Variants in TRIO observed in about 807,000 individuals in gnomAD.
TRIO encodes trio Rho guanine nucleotide exchange factor.
A neutral mutation model predicts 351.9 loss-of-function variants in TRIO; 58 were observed. That is an observed-to-expected ratio of 0.16 (90% CI 0.13 to 0.21). TRIO has a LOEUF of 0.21. Ranked by LOEUF, TRIO falls within the 10% of genes least tolerant of loss-of-function variation. TRIO has a pLI of 1.00. For synonymous variants in TRIO, 1,758 were observed against 1,595.7 expected, an observed-to-expected ratio of 1.10 and a Z score of -2.42; for missense variants, 3,201 against 4,027.8, an observed-to-expected ratio of 0.79 and a Z score of 5.56.
chr5:14,404,717 C>CA (rs1432611631), intron 31 of TRIO, among the ~76,000 whole-genome samples: 5 of 152,192 alleles, frequency 3.3e-5, no homozygotes, highest in Non-Finnish European at 5.9e-5. Flanking sequence ...TGTCCTATGT[C>CA]ACTCCGGAGA....
At chr5:14,321,810 C>A (rs1739914153) in intron 9 of TRIO, among the ~76,000 whole-genome samples, 1 of 152,270 alleles carries the variant, frequency 6.6e-6, no homozygotes, top group East Asian at 1.9e-4. Flanking sequence ...CTTCCCTGTA[C>A]TGTTCTCGTG....
intron 41 of TRIO, among the ~76,000 whole-genome samples, chr5:14,478,768 A>G (rs1395910431): frequency 5.3e-5 from 8 of 149,632 alleles, no homozygotes; most frequent in Non-Finnish European, 8.9e-5. Flanking sequence ...TGGGTGAAAA[A>G]GCAGGACTCC....
At chr5:14,409,652 G>A (rs1283499369) in intron 33 of TRIO, among the ~76,000 whole-genome samples, 9 of 151,976 alleles carry the variant, frequency 5.9e-5, no homozygotes, top group South Asian at 2.1e-4. Context: ...GGCTAACATG[G>A]TGAAACCCCG....
chr5:14,463,018 C>T (rs1753949888), intron 36 of TRIO, 93 bp downstream of exon 36: 2 of 1,409,736 alleles, frequency 1.4e-6, no homozygotes, highest in Non-Finnish European at 9.3e-7. Flanking sequence ...TTTCAGGAGA[C>T]AGGAGGCCCC....
intron 11 of TRIO, among the ~76,000 whole-genome samples, chr5:14,349,711 T>C (rs866435835): frequency 6.6e-6 from 1 of 152,314 alleles, no homozygotes; most frequent in South Asian, 2.1e-4. Context: ...ATCCGTCTTT[T>C]AAAAAAATGT....
In TRIO at chr5:14,381,446, CT is replaced by C. The variant is rs3214751; in HGVS notation, c.3570+197del. 2.0e-5 allele frequency among the ~76,000 whole-genome samples: 3 copies of C among 152,254 alleles called. No individual in the cohort carries two copies. In the East Asian group the frequency reaches 5.8e-4, roughly 29 times the overall value. On this transcript the variant is annotated intron_variant, in intron 21 of 56. Transcript: ENST00000344204. Reference sequence around the variant, plus strand: ...TCCACCTCCTCCCTTCATCTGTGTCCTTTGTCCCTCTGATGTCTGTGAATAC... The same window carrying C: ...TCCACCTCCTCCCTTCATCTGTGTCCTTGTCCCTCTGATGTCTGTGAATAC...
At chr5:14,441,907 G>GCTTTATCTGC (rs1752084726) in intron 34 of TRIO, among the ~76,000 whole-genome samples, 1 of 152,184 alleles carries the variant, frequency 6.6e-6, no homozygotes, top group Non-Finnish European at 1.5e-5. Flanking sequence ...CCAGATTCTG[G>GCTTTATCTGC]CTTTATCTGC....
intron 6 of TRIO, among the ~76,000 whole-genome samples, chr5:14,296,340 T>C (rs1433764336): frequency 7.2e-5 from 11 of 152,246 alleles, no homozygotes; most frequent in African/African-American, 2.7e-4. Context: ...CCTGCGATAC[T>C]GAGCCTTAAA....
At chr5:14,503,657 C>T (rs1024339884) in intron 54 of TRIO, among the ~76,000 whole-genome samples, 10 of 152,250 alleles carry the variant, frequency 6.6e-5, no homozygotes, top group African/African-American at 2.4e-4. Context: ...CGACCAACGT[C>T]CTCCACATCC....
At chr5:14,498,496 G>T (rs745817969) in intron 52 of TRIO, 23 bp from the exon 53 acceptor site, 25 of 1,609,362 alleles carry the variant, frequency 1.6e-5, no homozygotes, top group African/African-American at 1.5e-4. Flanking sequence ...CTGATGCGCA[G>T]TGTGTTCCCA....
At chr5:14,217,112 C>CACCG (rs1266070936) in intron 1 of TRIO, among the ~76,000 whole-genome samples, 1 of 152,208 alleles carries the variant, frequency 6.6e-6, no homozygotes, top group East Asian at 1.9e-4. Context: ...GTTCTCTGAT[C>CACCG]ACCGGTCTTT....
intron 1 of TRIO, among the ~76,000 whole-genome samples, chr5:14,204,951 C>T (rs956559725): frequency 6.6e-5 from 10 of 152,170 alleles, no homozygotes; most frequent in African/African-American, 2.4e-4. Context: ...AGGGGTGTTT[C>T]TAGCCGTGTA....
At chr5:14,367,049 C>T in intron 16 of TRIO, 70 bp downstream of exon 16, 1 of 1,593,590 alleles carries the variant, frequency 6.3e-7, no homozygotes, top group Middle Eastern at 1.7e-4. Flanking sequence ...AATCCCCCAA[C>T]ATGGCACTGA....
intron 1 of TRIO, among the ~76,000 whole-genome samples, chr5:14,227,023 A>G (rs1293066634): frequency 1.3e-5 from 2 of 152,240 alleles, no homozygotes; most frequent in Non-Finnish European, 2.9e-5. Flanking sequence ...AAAGCTTTTC[A>G]TAAACTCACA....
chr5:14,352,029 G>A (rs1049652690), intron 11 of TRIO, among the ~76,000 whole-genome samples: 2 of 152,188 alleles, frequency 1.3e-5, no homozygotes, highest in African/African-American at 4.8e-5. Context: ...GCAGAGCTGT[G>A]GGGCCCATAG....
In TRIO at chr5:14,488,172, G is replaced by A. The variant is rs1049938411; in HGVS notation, c.7544G>A (p.Arg2515His). 2 of 1,602,514 alleles carry A rather than the reference G, an allele frequency of 1.2e-6. No homozygotes were observed. Among genetic ancestry groups the A allele is most frequent in the African/African-American group, 2.7e-5 (2 of 74,968 alleles). Reference protein sequence around the residue: ...DSDSLQRQTPRHAAPGKDTDR... With the variant: ...DSDSLQRQTPHHAAPGKDTDR... ...GACTCCCTCCAGCGGCAGACACCCC[G>A]CCACGCGGCCCCTGGCAAGGATACT... Residue 2515 changes from arginine to histidine, a missense_variant, in exon 48 of 57, where the codon CGC becomes CAC. By Grantham distance (29) the Arg-to-His change is conservative (BLOSUM62 0). This residue lies in a region of TRIO where 1,089 missense variants were observed against 954.9 expected (regional missense o/e 1.14). Coordinates refer to ENST00000344204, the MANE Select transcript of TRIO (RefSeq NM_007118.4).
intron 11 of TRIO, among the ~76,000 whole-genome samples, chr5:14,345,553 C>T (rs374966163): frequency 1.3e-5 from 2 of 152,186 alleles, no homozygotes; most frequent in Non-Finnish European, 2.9e-5. Context: ...TGGAAATAGG[C>T]GTACATGAAT....
chr5:14,398,186 AGGTAATGGGC>A (rs1747774905), intron 29 of TRIO, among the ~76,000 whole-genome samples: 1 of 152,136 alleles, frequency 6.6e-6, no homozygotes, highest in Non-Finnish European at 1.5e-5. Context: ...GGAAGTCAGG[AGGTAATGGGC>A]AGCCTCTGCC....
At chr5:14,241,584 T>C (rs1266635981) in intron 1 of TRIO, among the ~76,000 whole-genome samples, 2 of 152,228 alleles carry the variant, frequency 1.3e-5, no homozygotes, top group African/African-American at 2.4e-5. Flanking sequence ...TACTATAGGC[T>C]AAATTTTATA....
Sources: gnomAD v4.1 joint callset for allele counts (sites outside exome capture counted in the v4.1 genomes callset) on GRCh38, gnomAD v4.1.1 for gene constraint, gnomAD v4.1.1 regional missense constraint, MANE v1.5 for transcripts, NCBI Gene and HGNC (gene_info 2026-07-23, HGNC 2026-07-21) for gene names.